HMGA2: variants seen among roughly 807,000 people sequenced by gnomAD.
HMGA2 encodes high mobility group AT-hook 2.
In HMGA2, 8 loss-of-function variants were observed where a neutral mutation model predicts 19.1. The observed-to-expected ratio is 0.42, with a 90% CI of 0.25 to 0.76. HMGA2 has a LOEUF of 0.76. Ranked by LOEUF, HMGA2 falls within the 30% of genes least tolerant of loss-of-function variation. HMGA2 has a pLI of 0.28. For missense variants in HMGA2, 109 were observed against 136.3 expected (o/e 0.80, Z 1.00); for synonymous variants, 60 against 48.8 (o/e 1.23, Z -0.96).
chr12:65,948,707 T>G (rs1876351664), intron 3 of HMGA2, among the ~76,000 whole-genome samples: 1 of 152,190 alleles, frequency 6.6e-6, no homozygotes, highest in Non-Finnish European at 1.5e-5. Flanking sequence ...AAGTATGAAG[T>G]GCTGTGTCTG....
intron 4 of HMGA2, chr12:65,952,099 T>C: frequency 2.6e-6 from 1 of 381,646 alleles, no homozygotes; most frequent in Non-Finnish European, 4.7e-6. Flanking sequence ...AAAACAAAAC[T>C]GAAGTATAAA....
chr12:65,828,033 C>T lies in HMGA2; in HGVS notation c.144C>T (p.Pro48=). The T allele has an allele frequency of 6.2e-7, 1 of 1,613,820 alleles. No individual in the cohort carries two copies. The highest frequency in any genetic ancestry group is 8.5e-7 in the Non-Finnish European group (1 of 1,179,804). The change falls in exon 2 of 5, where the codon CCC becomes CCT. Residue 48 remains proline, a synonymous_variant. Transcript: ENST00000403681. ...CCGGTGAGCCCTCTCCTAAGAGACC[C>T]AGGGGAAGACCCAAAGGCAGCAAAA... ...EPTGEPSPKR[P]RGRPKGSKNK... is the part of the protein sequence containing the mutation.
chr12:65,826,674 T>C (rs73115414), intron 1 of HMGA2: 1 of 152,040 alleles, frequency 6.6e-6, no homozygotes, highest in Non-Finnish European at 1.5e-5. Context: ...CAAGCGACAC[T>C]TTACACCGCA....
At chr12:65,860,058 C>A in intron 3 of HMGA2, 1 of 451,966 alleles carries the variant, frequency 2.2e-6, no homozygotes, top group Non-Finnish European at 4.5e-6. Flanking sequence ...TGCTACTGCA[C>A]TCCAGCCTGG....
At chr12:65,828,723 T>C (rs1870342912) in intron 2 of HMGA2, 2 of 153,770 alleles carry the variant, frequency 1.3e-5, no homozygotes, top group Non-Finnish European at 2.9e-5. Context: ...TCAAGTGACA[T>C]AGAAATGTCT....
At chr12:65,855,166 G>C (rs553873055) in intron 3 of HMGA2, among the ~76,000 whole-genome samples, 2 of 152,200 alleles carry the variant, frequency 1.3e-5, no homozygotes, top group South Asian at 4.2e-4. Context: ...TCCTGAAGTT[G>C]TGGATGAATA....
chr12:65,829,925 G>A (rs1486221487), intron 2 of HMGA2, among the ~76,000 whole-genome samples: 2 of 151,864 alleles, frequency 1.3e-5, no homozygotes, highest in Non-Finnish European at 3.0e-5. Flanking sequence ...ATTTGTAAAT[G>A]ACCCCCCTAC....
At chr12:65,895,769 C>T (rs1167543222) in intron 3 of HMGA2, among the ~76,000 whole-genome samples, 1 of 152,136 alleles carries the variant, frequency 6.6e-6, no homozygotes, top group Non-Finnish European at 1.5e-5. Flanking sequence ...TGGTTGTATG[C>T]ATATTTGGAT....
chr12:65,828,139 G>GCAGGCTCCTGTAGTC, intron 2 of HMGA2, 52 bp downstream of exon 2: 1 of 1,321,854 alleles, frequency 7.6e-7, no homozygotes, highest in Non-Finnish European at 1.1e-6. Flanking sequence ...CTGACTACAG[G>GCAGGCTCCTGTAGTC]AGCCTGCCTG....
At chr12:65,829,379 A>T (rs1190847917) in intron 2 of HMGA2, among the ~76,000 whole-genome samples, 2 of 152,098 alleles carry the variant, frequency 1.3e-5, no homozygotes, top group African/African-American at 4.8e-5. Context: ...TTATTTAAAA[A>T]TGGCAATATA....
At chr12:65,843,537 G>A (rs1871095399) in intron 3 of HMGA2, 1 of 181,846 alleles carries the variant, frequency 5.5e-6, no homozygotes, top group African/African-American at 2.4e-5. Flanking sequence ...TTTGGTTTTG[G>A]AATTCTTTGG....
chr12:65,842,855 A>C, intron 3 of HMGA2: 1 of 1,316,846 alleles, frequency 7.6e-7, no homozygotes, highest in Non-Finnish European at 9.7e-7. Context: ...AAGTATTTGG[A>C]GAAAGTTTTA....
At chr12:65,912,919 G>A (rs1344195383) in intron 3 of HMGA2, among the ~76,000 whole-genome samples, 1 of 152,090 alleles carries the variant, frequency 6.6e-6, no homozygotes, top group African/African-American at 2.4e-5. Flanking sequence ...AACTGTTTTA[G>A]GGTTGACAAA....
At chr12:65,907,193 G>T (rs1044522430) in intron 3 of HMGA2, among the ~76,000 whole-genome samples, 1 of 151,930 alleles carries the variant, frequency 6.6e-6, no homozygotes, top group Non-Finnish European at 1.5e-5. Context: ...TCAGGAGTTC[G>T]AGACCAGCCT....
At chr12:65,927,544 T>C (rs1356337224) in intron 3 of HMGA2, among the ~76,000 whole-genome samples, 1 of 152,182 alleles carries the variant, frequency 6.6e-6, no homozygotes, top group Admixed American at 6.5e-5. Flanking sequence ...TTCTTTACGT[T>C]TTATAAAATC....
intron 3 of HMGA2, among the ~76,000 whole-genome samples, chr12:65,932,702 A>G (rs550696063): frequency 6.6e-6 from 1 of 152,186 alleles, no homozygotes; most frequent in Non-Finnish European, 1.5e-5. Context: ...CCCTCCTTGA[A>G]TAGTACTACA....
At chr12:65,865,669 C>G (rs923193361) in intron 3 of HMGA2, among the ~76,000 whole-genome samples, 2 of 143,154 alleles carry the variant, frequency 1.4e-5, no homozygotes, top group Non-Finnish European at 3.0e-5. Context: ...GAGTCTCGCT[C>G]TGTCACCCAG....
rs1180942808 is a variant in HMGA2, at chr12:65,888,554, C to CTTTTTT, written c.249+50007_249+50012dup. Reference sequence around the variant, plus strand: ...AGGAATAGAGTGCCCGTGGTGTGCTCTTTTTTTTTTTTTTTTTTTTTTTTT... The same window carrying CTTTTTT: ...AGGAATAGAGTGCCCGTGGTGTGCTCTTTTTTTTTTTTTTTTTTTTTTTTTTTTTTT... On this transcript the variant is annotated intron_variant, in intron 3 of 4. Transcript: ENST00000403681. Among the ~76,000 whole-genome samples, 29 of 40,578 alleles carry CTTTTTT rather than the reference C, an allele frequency of 7.1e-4. 9 individuals are homozygous for CTTTTTT. The highest frequency in any genetic ancestry group is 2.7e-3 in the African/African-American group (27 of 9,948). The allele number at this position is 40,578 out of a possible 152,430, so 26.6% of individuals were successfully genotyped here. A position where few individuals can be genotyped will look rare whatever the true frequency, so the allele number is the denominator to read the frequency against.
At chr12:65,933,055 G>A (rs1875771749) in intron 3 of HMGA2, among the ~76,000 whole-genome samples, 1 of 151,950 alleles carries the variant, frequency 6.6e-6, no homozygotes, top group African/African-American at 2.4e-5. Context: ...CTGTGACAGA[G>A]GAGCATTCCT....
Sources: allele counts gnomAD v4.1 joint callset (sites outside exome capture counted in the v4.1 genomes callset), GRCh38; gene constraint gnomAD v4.1.1; transcripts MANE v1.5; gene names NCBI Gene and HGNC (gene_info 2026-07-23, HGNC 2026-07-21).